SENP8: variants seen among roughly 807,000 people sequenced by gnomAD.
The protein encoded by SENP8 is SUMO peptidase family member, NEDD8 specific, also known as sentrin-specific protease 8.
A neutral mutation model predicts 14.4 loss-of-function variants in SENP8; 10 were observed. That is an observed-to-expected ratio of 0.69 (90% CI 0.43 to 1.18). The LOEUF (loss-of-function observed/expected upper bound fraction) is 1.18. Ranked by LOEUF, SENP8 falls within the 50% of genes most tolerant of loss-of-function variation. The pLI is 0.00. For missense variants in SENP8, 202 were observed against 249.4 expected (o/e 0.81, Z 1.28); for synonymous variants, 94 against 95.5 (o/e 0.98, Z 0.09).
At chr15:72,134,770 G>A (rs2081310374) in intron 1 of SENP8, 1 of 254,592 alleles carries the variant, frequency 3.9e-6, no homozygotes, top group Non-Finnish European at 7.9e-6. Flanking sequence ...AGACATCAAG[G>A]AAATGGATAC....
intron 1 of SENP8, among the ~76,000 whole-genome samples, chr15:72,129,882 C>T (rs1296321583): frequency 2.6e-5 from 4 of 151,636 alleles, no homozygotes; most frequent in Non-Finnish European, 4.4e-5. Flanking sequence ...ACAGCAATAA[C>T]ACCTCCAGTT....
At chr15:72,133,426 TTC>T (rs2081294924) in intron 1 of SENP8, among the ~76,000 whole-genome samples, 1 of 152,198 alleles carries the variant, frequency 6.6e-6, no homozygotes, top group Non-Finnish European at 1.5e-5. Context: ...CTATTCAAGA[TTC>T]TCTCCACATT....
chr15:72,127,271 T>C (rs151102822), intron 1 of SENP8, among the ~76,000 whole-genome samples: 55 of 152,166 alleles, frequency 3.6e-4, no homozygotes, highest in African/African-American at 1.2e-3. Flanking sequence ...ACAAATAAAT[T>C]AAAAAACTAT....
intron 1 of SENP8, among the ~76,000 whole-genome samples, chr15:72,124,963 A>G (rs2081202763): frequency 6.6e-6 from 1 of 152,174 alleles, no homozygotes; most frequent in South Asian, 2.1e-4. Context: ...CTTTTAATAA[A>G]TTTGTATTGA....
Position 72,140,142 on chromosome 15 carries a change from C to A in SENP8, c.519C>A (p.Ala173=), listed in dbSNP as rs748777480. 2.5e-6 allele frequency: 4 copies of A among 1,614,002 alleles called. No homozygotes were observed. In the South Asian group the frequency reaches 4.4e-5, roughly 18 times the overall value. Residue 173 remains alanine, a synonymous_variant, in exon 2 of 2, where the codon GCC becomes GCA. Coordinates refer to ENST00000340912, the MANE Select transcript of SENP8 (RefSeq NM_145204.4). ...CGMYVICNTE[A]LCQNFFRQQT... Reference sequence around the variant, plus strand: ...TGTACGTGATATGTAACACTGAGGCCTTGTGTCAGAACTTCTTTAGGCAAC... The same window carrying A: ...TGTACGTGATATGTAACACTGAGGCATTGTGTCAGAACTTCTTTAGGCAAC...
At chr15:72,125,373 A>G (rs1021011320) in intron 1 of SENP8, among the ~76,000 whole-genome samples, 11 of 152,180 alleles carry the variant, frequency 7.2e-5, no homozygotes, top group African/African-American at 2.7e-4. Context: ...TTATTTGATT[A>G]CTACTCTGAT....
chr15:72,119,299 A>T (rs1250279347), intron 1 of SENP8, among the ~76,000 whole-genome samples: 2 of 152,186 alleles, frequency 1.3e-5, no homozygotes, highest in African/African-American at 4.8e-5. Context: ...GTTAAATAAA[A>T]CCAATACTGT....
Position 72,139,630 on chromosome 15 carries a change from C to G in SENP8, c.7C>G (p.Pro3Ala), listed in dbSNP as rs868637651. MD[P>A]VVLSYMDSLL... Reference sequence around the variant, plus strand: ...CAGCCCTCGTCAGTACAAGATGGACCCCGTAGTCTTGAGTTACATGGACAG... The same window carrying G: ...CAGCCCTCGTCAGTACAAGATGGACGCCGTAGTCTTGAGTTACATGGACAG... The change falls in exon 2 of 2, where the codon CCC (proline) becomes GCC (alanine). Residue 3 changes from proline to alanine, a missense_variant. By Grantham distance (27) the Pro-to-Ala change is conservative. Transcript: ENST00000340912. 3.1e-6 allele frequency: 5 copies of G among 1,612,978 alleles called. No individual in the cohort carries two copies. In the African/African-American group the frequency reaches 6.7e-5, roughly 22 times the overall value.
chr15:72,121,715 C>T (rs1040452020), intron 1 of SENP8, among the ~76,000 whole-genome samples: 6 of 152,110 alleles, frequency 3.9e-5, no homozygotes, highest in African/African-American at 1.4e-4. Context: ...GACAGAGAGC[C>T]TGTCTCCAAA....
At chr15:72,131,415 G>A (rs1371638410) in intron 1 of SENP8, among the ~76,000 whole-genome samples, 1 of 152,118 alleles carries the variant, frequency 6.6e-6, no homozygotes, top group East Asian at 1.9e-4. Context: ...TACTGAACCA[G>A]CAGCTTCTTC....
At chr15:72,130,692 TAG>T (rs1195731504) in intron 1 of SENP8, among the ~76,000 whole-genome samples, 1 of 151,232 alleles carries the variant, frequency 6.6e-6, no homozygotes, top group Non-Finnish European at 1.5e-5. Flanking sequence ...GCCTCCCAAG[TAG>T]CTGCAATTAC....
chr15:72,125,663 C>T (rs1297653413), intron 1 of SENP8, among the ~76,000 whole-genome samples: 5 of 151,862 alleles, frequency 3.3e-5, no homozygotes, highest in Non-Finnish European at 2.9e-5. Context: ...AAGACTATTT[C>T]GTGGTTAAAT....
intron 1 of SENP8, among the ~76,000 whole-genome samples, chr15:72,124,757 C>T (rs2081200004): frequency 6.6e-6 from 1 of 151,734 alleles, no homozygotes; most frequent in Non-Finnish European, 1.5e-5. Flanking sequence ...ACTGTATTTA[C>T]TAATTATGTG....
chr15:72,139,569 T>G lies in SENP8; in HGVS notation c.-47-8T>G, dbSNP rs1484145603. The G allele has an allele frequency of 3.2e-6, 5 of 1,555,132 alleles. No homozygotes were observed. In the Middle Eastern group the frequency reaches 5.4e-4, roughly 168 times the overall value. ...CAGGTATTTATTGACAATAATATTGTCTTCTAGCTCTTGTTCAGCTTCTGG... is the reference window on the plus strand; with the variant it reads ...CAGGTATTTATTGACAATAATATTGGCTTCTAGCTCTTGTTCAGCTTCTGG... On this transcript the variant is annotated splice_region_variant and splice_polypyrimidine_tract_variant and intron_variant, in intron 1 of 1. Coordinates refer to ENST00000340912, the MANE Select transcript of SENP8 (RefSeq NM_145204.4).
intron 1 of SENP8, among the ~76,000 whole-genome samples, chr15:72,124,009 A>G (rs1201590011): frequency 6.6e-6 from 1 of 152,236 alleles, no homozygotes; most frequent in Non-Finnish European, 1.5e-5. Flanking sequence ...TTGGCCCCAG[A>G]CAGAATAAAG....
intron 1 of SENP8, among the ~76,000 whole-genome samples, chr15:72,136,775 A>G (rs1263495140): frequency 6.6e-6 from 1 of 152,056 alleles, no homozygotes; most frequent in Non-Finnish European, 1.5e-5. Flanking sequence ...CATTATTACT[A>G]TTTTCTTATA....
At chr15:72,121,341 C>T (rs758106089) in intron 1 of SENP8, among the ~76,000 whole-genome samples, 1 of 152,150 alleles carries the variant, frequency 6.6e-6, no homozygotes, top group Admixed American at 6.5e-5. Context: ...GATTAGAGTT[C>T]TGTTTGAAAA....
chr15:72,123,986 C>A (rs968440457), intron 1 of SENP8, among the ~76,000 whole-genome samples: 4 of 152,262 alleles, frequency 2.6e-5, no homozygotes, highest in Non-Finnish European at 5.9e-5. Flanking sequence ...AAAAAGTCAC[C>A]TGTTTTATCT....
intron 1 of SENP8, 183 bp from the exon 2 acceptor site, chr15:72,139,394 C>A: frequency 2.0e-6 from 1 of 508,182 alleles, no homozygotes; most frequent in South Asian, 3.3e-5. Context: ...AGCAATTGGT[C>A]TTGCTGTCTC....
Sources: allele counts gnomAD v4.1 joint callset (sites outside exome capture counted in the v4.1 genomes callset), GRCh38; gene constraint gnomAD v4.1.1; transcripts MANE v1.5; gene names NCBI Gene and HGNC (gene_info 2026-07-23, HGNC 2026-07-21).